ZC3H12B: variants seen among roughly 807,000 people sequenced by gnomAD.
ZC3H12B encodes the protein probable ribonuclease ZC3H12B.
A neutral mutation model predicts 43.9 loss-of-function variants in ZC3H12B; 7 were observed. The observed-to-expected ratio is 0.16, with a 90% confidence interval of 0.09 to 0.30. ZC3H12B has a LOEUF of 0.30. Ranked by LOEUF, ZC3H12B falls within the 10% of genes least tolerant of loss-of-function variation. The probability of loss-of-function intolerance (pLI) is 1.00; values close to 1 mark genes in which losing one functional copy is unlikely to be tolerated. For synonymous variants in ZC3H12B, 222 were observed against 241.7 expected (o/e 0.92, Z 0.76); for missense variants, 475 against 670.2 (o/e 0.71, Z 3.22).
the ZC3H12B span, among the ~76,000 whole-genome samples, chrX:65,231,622 A>T: frequency 1.8e-5 from 2 of 111,168 alleles, no homozygotes; most frequent in Non-Finnish European, 3.8e-5. Flanking sequence ...CTGGGAAAAG[A>T]ATTCAGTGAT....
At chrX:65,283,860 G>A in the ZC3H12B span, among the ~76,000 whole-genome samples, 1 of 111,662 alleles carries the variant, frequency 9.0e-6, no homozygotes, top group Admixed American at 9.5e-5. Flanking sequence ...CTACAGCCAG[G>A]GTCAGGAAGT....
At chrX:65,358,007 G>A in the ZC3H12B span, among the ~76,000 whole-genome samples, 7 of 93,770 alleles carry the variant, frequency 7.5e-5, no homozygotes, top group South Asian at 2.9e-3. Flanking sequence ...TATTAACAAA[G>A]CAAATGGAAA....
chrX:65,056,606 C>A, the ZC3H12B span, among the ~76,000 whole-genome samples: 2 of 111,443 alleles, frequency 1.8e-5, no homozygotes, highest in South Asian at 7.6e-4. Flanking sequence ...TCTATTAGGT[C>A]CTCTTGGTGC....
chrX:65,303,436 G>C, the ZC3H12B span, among the ~76,000 whole-genome samples: 18 of 112,094 alleles, frequency 1.6e-4, no homozygotes, highest in Non-Finnish European at 3.0e-4. Context: ...ACAGGTTAAA[G>C]AAAAACCATC....
At chrX:65,138,823 C>A in the ZC3H12B span, among the ~76,000 whole-genome samples, 1 of 111,634 alleles carries the variant, frequency 9.0e-6, no homozygotes, top group Non-Finnish European at 1.9e-5. Context: ...TTTTAATTTG[C>A]CTTTCCTGAC....
At chrX:65,414,145 A>T (rs1221646328) in intron 3 of ZC3H12B, among the ~76,000 whole-genome samples, 1 of 111,720 alleles carries the variant, frequency 9.0e-6, no homozygotes, top group Non-Finnish European at 1.9e-5. Flanking sequence ...GGAATTTTTC[A>T]TCTATAGAAA....
intron 1 of ZC3H12B, among the ~76,000 whole-genome samples, chrX:65,492,191 G>A (rs951959627): frequency 1.8e-5 from 2 of 111,464 alleles, no homozygotes; most frequent in African/African-American, 6.5e-5. Context: ...CGGAGTTAAG[G>A]TTGAGAAGAA....
chrX:65,063,465 C>G, the ZC3H12B span, among the ~76,000 whole-genome samples: 4 of 112,103 alleles, frequency 3.6e-5, no homozygotes, highest in Non-Finnish European at 3.8e-5. Context: ...ATTATGTTTA[C>G]TGATTTGCAT....
the ZC3H12B span, among the ~76,000 whole-genome samples, chrX:65,176,046 C>T: frequency 2.8e-5 from 3 of 108,915 alleles, no homozygotes; most frequent in African/African-American, 1.0e-4. Flanking sequence ...CAGAACCATT[C>T]ACTACCCTGG....
the ZC3H12B span, among the ~76,000 whole-genome samples, chrX:65,116,613 C>T: frequency 9.1e-6 from 1 of 109,714 alleles, no homozygotes; most frequent in Non-Finnish European, 1.9e-5. Flanking sequence ...ATGTGTACAA[C>T]ATGCAGGTTT....
chrX:65,370,590 A>G (rs1461425038), intron 2 of ZC3H12B, among the ~76,000 whole-genome samples: 1 of 112,100 alleles, frequency 8.9e-6, no homozygotes, highest in African/African-American at 3.2e-5. Context: ...ACCAATATCT[A>G]TATATCCCTA....
chrX:65,254,930 A>G, the ZC3H12B span, among the ~76,000 whole-genome samples: 1 of 112,216 alleles, frequency 8.9e-6, no homozygotes, highest in African/African-American at 3.2e-5. Flanking sequence ...CACAAGTATT[A>G]ACAGCAGAAT....
At chrX:65,203,277 C>T in the ZC3H12B span, among the ~76,000 whole-genome samples, 1 of 111,928 alleles carries the variant, frequency 8.9e-6, no homozygotes. Context: ...ACTTTTTCCT[C>T]TCCTTTTCTA....
At chrX:65,187,067 C>G in the ZC3H12B span, 133 of 111,909 alleles carry the variant, frequency 1.2e-3, no homozygotes, top group African/African-American at 4.1e-3. Flanking sequence ...ATTGCTGGAT[C>G]AAACGGTCAA....
At chrX:65,116,261 C>T in the ZC3H12B span, among the ~76,000 whole-genome samples, 1 of 111,645 alleles carries the variant, frequency 9.0e-6, no homozygotes, top group Admixed American at 9.5e-5. Flanking sequence ...GATTCTTCAA[C>T]ATATAGCTTG....
the ZC3H12B span, among the ~76,000 whole-genome samples, chrX:65,241,925 G>C: frequency 1.8e-5 from 2 of 111,462 alleles, no homozygotes; most frequent in African/African-American, 3.3e-5. Context: ...CTGGGTTTCT[G>C]TGAGCCTGAA....
At chrX:65,281,658 A>G in the ZC3H12B span, among the ~76,000 whole-genome samples, 3 of 112,550 alleles carry the variant, frequency 2.7e-5, no homozygotes, top group Non-Finnish European at 3.7e-5. Flanking sequence ...CTCTTACGTT[A>G]TACAAAAATC....
At chrX:65,096,907 A>G in the ZC3H12B span, among the ~76,000 whole-genome samples, 156 of 111,702 alleles carry the variant, frequency 1.4e-3, 1 homozygote, top group African/African-American at 5.0e-3. Context: ...CACATAAACA[A>G]AAGTTCTGTG....
chrX:65,401,497 C>T (rs889229701), intron 3 of ZC3H12B, among the ~76,000 whole-genome samples: 1 of 111,720 alleles, frequency 9.0e-6, no homozygotes. Context: ...ACCTGAAAAG[C>T]ATTCTAGGTC....
Sources: allele counts gnomAD v4.1 joint callset (sites outside exome capture counted in the v4.1 genomes callset), GRCh38; gene constraint gnomAD v4.1.1; transcripts MANE v1.5; gene names NCBI Gene and HGNC (gene_info 2026-07-23, HGNC 2026-07-21).